MATN2: variants seen among roughly 807,000 people sequenced by gnomAD.
MATN2 encodes matrilin-2.
MATN2 carries 69 observed loss-of-function variants against 103.2 expected under a neutral mutation model. The ratio of observed to expected loss-of-function variants is 0.67; its 90% CI spans 0.55 to 0.82. The LOEUF (loss-of-function observed/expected upper bound fraction) is 0.82. Ranked by LOEUF, MATN2 falls within the 40% of genes least tolerant of loss-of-function variation. The pLI is 0.00. For missense variants in MATN2, 1,023 were observed against 1,211.5 expected (o/e 0.84, Z 2.31); for synonymous variants, 429 against 450.2 (o/e 0.95, Z 0.60).
intron 4 of MATN2, among the ~76,000 whole-genome samples, chr8:97,942,256 T>G (rs772688739): frequency 3.3e-5 from 5 of 152,226 alleles, no homozygotes; most frequent in Non-Finnish European, 4.4e-5. Context: ...AGGAACTGTT[T>G]CCATATTTTA....
chr8:98,034,121 G>C, intron 18 of MATN2: 2 of 455,366 alleles, frequency 4.4e-6, no homozygotes, highest in South Asian at 3.1e-5. Context: ...TAGATTCAGT[G>C]TGTTTAGTTT....
At chr8:97,975,776 C>T (rs543866366) in intron 5 of MATN2, among the ~76,000 whole-genome samples, 2 of 152,314 alleles carry the variant, frequency 1.3e-5, no homozygotes, top group Non-Finnish European at 2.9e-5. Context: ...ACTGCTAACA[C>T]GGGCCCAAGC....
chr8:97,945,627 T>G (rs927543080), intron 4 of MATN2, among the ~76,000 whole-genome samples: 2 of 150,584 alleles, frequency 1.3e-5, no homozygotes, highest in African/African-American at 4.9e-5. Context: ...ATTGCTGTGG[T>G]ACTGTCATCA....
chr8:97,929,580 A>G (rs997834322), intron 2 of MATN2, among the ~76,000 whole-genome samples: 2 of 152,228 alleles, frequency 1.3e-5, no homozygotes, highest in African/African-American at 4.8e-5. Flanking sequence ...GAGTTTGTCT[A>G]TGGACTCAAA....
intron 4 of MATN2, among the ~76,000 whole-genome samples, chr8:97,943,675 G>T (rs1036858563): frequency 2.6e-5 from 4 of 151,982 alleles, no homozygotes; most frequent in African/African-American, 4.8e-5. Context: ...GGCTGCTCTC[G>T]AACTCCTGAG....
chr8:97,913,838 C>T (rs1358886110), intron 2 of MATN2, among the ~76,000 whole-genome samples: 1 of 152,214 alleles, frequency 6.6e-6, no homozygotes, highest in Non-Finnish European at 1.5e-5. Context: ...TGGCCTCGAA[C>T]TCCTGACCTC....
chr8:97,896,497 G>T (rs1818810850), intron 2 of MATN2, among the ~76,000 whole-genome samples: 1 of 152,328 alleles, frequency 6.6e-6, no homozygotes, highest in African/African-American at 2.4e-5. Context: ...CAGGGATGGG[G>T]CAGTGGGATC....
At chr8:97,916,212 G>A (rs1809624469) in intron 2 of MATN2, among the ~76,000 whole-genome samples, 1 of 152,044 alleles carries the variant, frequency 6.6e-6, no homozygotes, top group Non-Finnish European at 1.5e-5. Context: ...TGGAATTGCA[G>A]GCACGCGCTA....
At chr8:98,011,584 G>T (rs1447615517) in intron 10 of MATN2, among the ~76,000 whole-genome samples, 1 of 152,174 alleles carries the variant, frequency 6.6e-6, no homozygotes, top group Admixed American at 6.5e-5. Flanking sequence ...TTCTTGGTTT[G>T]TCTGAGAAAA....
chr8:97,917,935 A>C (rs1302650496), intron 2 of MATN2, among the ~76,000 whole-genome samples: 2 of 151,838 alleles, frequency 1.3e-5, no homozygotes, highest in Non-Finnish European at 2.9e-5. Flanking sequence ...AAATACAAAA[A>C]ATTAGTCGGG....
At chr8:97,939,035 A>G (rs1180806019) in intron 3 of MATN2, among the ~76,000 whole-genome samples, 1 of 149,348 alleles carries the variant, frequency 6.7e-6, no homozygotes, top group African/African-American at 2.5e-5. Context: ...ATTCCTGACT[A>G]CTTTTTGTAT....
chr8:97,983,243 C>T (rs1296547225), intron 6 of MATN2, among the ~76,000 whole-genome samples: 3 of 152,112 alleles, frequency 2.0e-5, no homozygotes, highest in Admixed American at 6.5e-5. Context: ...GCATAATATT[C>T]AATTATATGT....
chr8:98,007,369 G>A lies in MATN2; in HGVS notation c.1451-110G>A. 1 of 1,551,860 alleles carries A rather than the reference G, an allele frequency of 6.4e-7. No homozygotes were observed. Among genetic ancestry groups the A allele is most frequent in the Non-Finnish European group, 8.8e-7 (1 of 1,137,206 alleles). On this transcript the variant is annotated intron_variant, in intron 9 of 18. Transcript: ENST00000254898. The surrounding 1 kb of genome is among the most constrained non-coding windows in gnomAD (Gnocchi z 4.2). ...CAGGAGATAGTGAGGATGTCCACTG[G>A]GACTGCATGCCTTCGAGGGAGGGCG... is the stretch of plus-strand genomic sequence containing the variant.
At chr8:97,962,484 A>G (rs2130260911) in intron 5 of MATN2, among the ~76,000 whole-genome samples, 1 of 152,346 alleles carries the variant, frequency 6.6e-6, no homozygotes, top group South Asian at 2.1e-4. Flanking sequence ...GTAGCCTGCA[A>G]TTGGCAGGTG....
At chr8:97,879,440 A>C (rs1162094899) in intron 1 of MATN2, among the ~76,000 whole-genome samples, 1 of 152,194 alleles carries the variant, frequency 6.6e-6, no homozygotes, top group Non-Finnish European at 1.5e-5. Flanking sequence ...AGGCAGATTC[A>C]AAATCACAAG....
intron 6 of MATN2, among the ~76,000 whole-genome samples, chr8:97,988,546 A>G (rs1270517494): frequency 6.6e-6 from 1 of 151,970 alleles, no homozygotes; most frequent in Admixed American, 6.6e-5. Context: ...GGGTTGCTTG[A>G]GCCCAGGAGG....
intron 2 of MATN2, among the ~76,000 whole-genome samples, chr8:97,918,634 G>A (rs956915325): frequency 6.6e-6 from 1 of 152,214 alleles, no homozygotes; most frequent in Non-Finnish European, 1.5e-5. Flanking sequence ...AGAGGGTGAA[G>A]TGGGGAGATT....
intron 6 of MATN2, among the ~76,000 whole-genome samples, chr8:97,988,552 G>A (rs1349149776): frequency 6.6e-6 from 1 of 152,056 alleles, no homozygotes; most frequent in African/African-American, 2.4e-5. Context: ...CTTGAGCCCA[G>A]GAGGTTGAGG....
chr8:98,007,570 C>T lies in MATN2; in HGVS notation c.1542C>T (p.His514=), dbSNP rs1244333147. Residue 514 remains histidine (H), a synonymous_variant, in exon 10 of 19, where the codon CAC becomes CAT. Transcript: ENST00000254898. The surrounding 1 kb of genome is among the most constrained non-coding windows in gnomAD (Gnocchi z 4.2). ...TTGCCTGTCAGTGTCCTGAGGGACA[C>T]GTGCTCCGCAGCGATGGGAAGACGT... is the stretch of plus-strand genomic sequence containing the variant. The part of the protein sequence containing the change: ...RSFACQCPEG[H]VLRSDGKTCA... 2.0e-5 allele frequency: 33 copies of T among 1,612,916 alleles called. No homozygotes were observed. Among genetic ancestry groups the T allele is most frequent in the East Asian group, 1.3e-4 (6 of 44,834 alleles).
Sources: allele counts gnomAD v4.1 joint callset (sites outside exome capture counted in the v4.1 genomes callset), GRCh38; gene constraint gnomAD v4.1.1; non-coding constraint Gnocchi (gnomAD v3.1); transcripts MANE v1.5; gene names NCBI Gene and HGNC (gene_info 2026-07-23, HGNC 2026-07-21).